Variants in GAS6 observed in about 807,000 individuals in gnomAD.
The protein encoded by GAS6 is growth arrest specific 6, also known as growth arrest-specific protein 6.
GAS6 carries 41 observed loss-of-function variants against 75.8 expected under a neutral mutation model. That is an observed-to-expected ratio of 0.54 (90% CI 0.42 to 0.70). The LOEUF is 0.70. Ranked by LOEUF, GAS6 falls within the 30% of genes least tolerant of loss-of-function variation. The pLI, the probability that GAS6 is intolerant of heterozygous loss-of-function variation, is 0.00. For missense variants in GAS6, 854 were observed against 940.2 expected, an observed-to-expected ratio of 0.91 and a Z score of 1.20; for synonymous variants, 432 against 412.6, an observed-to-expected ratio of 1.05 and a Z score of -0.57.
Position 113,823,468 on chromosome 13 carries a change from G to A in GAS6, c.1560C>T (p.Gly520=), listed in dbSNP as rs2051488262. 5 of 1,612,828 alleles carry A rather than the reference G, an allele frequency of 3.1e-6. No individual in the cohort carries two copies. The highest frequency in any genetic ancestry group is 3.4e-6 in the Non-Finnish European group (4 of 1,179,974). ...CGGGGGCCCAGAGCGCAAACAGCAC[G>A]CCTGTGTCTGCGGCTGGGCGGATGT... ...VAHIRPAADT[G]VLFALWAPDL... Residue 520 remains glycine (G), a synonymous_variant, in exon 13 of 15, where the codon GGC becomes GGT. Transcript: ENST00000327773.
intron 2 of GAS6, among the ~76,000 whole-genome samples, chr13:113,857,593 A>G (rs2051924429): frequency 1.3e-5 from 2 of 152,240 alleles, no homozygotes; most frequent in South Asian, 4.1e-4. Context: ...ATGCCTGTCA[A>G]TCGCTCTGGG....
chr13:113,834,796 C>T (rs1405428260), intron 7 of GAS6, 124 bp from the exon 8 acceptor site: 14 of 1,138,128 alleles, frequency 1.2e-5, no homozygotes, highest in Admixed American at 3.0e-5. Flanking sequence ...CAGATTCTAA[C>T]GGGGGCGGCT....
intron 2 of GAS6, among the ~76,000 whole-genome samples, chr13:113,853,895 C>T (rs1194710471): frequency 1.3e-5 from 2 of 152,304 alleles, no homozygotes; most frequent in Admixed American, 1.3e-4. Flanking sequence ...TCCTTCCTTC[C>T]GAATTCGTTT....
chr13:113,835,901 A>C, intron 6 of GAS6: 15 of 817,856 alleles, frequency 1.8e-5, no homozygotes, highest in East Asian at 8.2e-5. Flanking sequence ...TGCTTGGTGG[A>C]GGGGTGGGGG....
intron 2 of GAS6, among the ~76,000 whole-genome samples, chr13:113,851,460 TGA>T (rs763979715): frequency 1.3e-5 from 2 of 149,844 alleles, no homozygotes; most frequent in African/African-American, 4.9e-5. Flanking sequence ...AATGGGTGAA[TGA>T]GAGTGAGTAG....
intron 10 of GAS6, 101 bp from the exon 11 acceptor site, chr13:113,828,812 C>T: frequency 7.2e-7 from 1 of 1,384,460 alleles, no homozygotes. Flanking sequence ...CCAAGAGGGT[C>T]CCGACCTCGG....
chr13:113,834,033 TAGGTCATGCTGTGATAGGCCC>T (rs2051666480), intron 8 of GAS6, among the ~76,000 whole-genome samples: 1 of 129,720 alleles, frequency 7.7e-6, no homozygotes, highest in Non-Finnish European at 1.6e-5. Flanking sequence ...GTGTGACAGG[TAGGTCATGCTGTGATAGGCCC>T]CGGTGTGACA....
At chr13:113,835,957 G>C (rs909044337) in intron 6 of GAS6, 9 of 1,122,930 alleles carry the variant, frequency 8.0e-6, no homozygotes, top group Non-Finnish European at 9.8e-6. Context: ...CGGTGCTACA[G>C]GACACGGGGC....
chr13:113,847,939 C>T lies in GAS6; in HGVS notation c.280+87G>A, dbSNP rs938019555. 2.7e-5 allele frequency: 32 copies of T among 1,195,600 alleles called. No homozygotes were observed. In the Admixed American group the frequency reaches 3.2e-4, roughly 12 times the overall value. The allele number at this position is 1,195,600 out of a possible 1,614,324, so 74.1% of individuals were successfully genotyped here. A position where few individuals can be genotyped will look rare whatever the true frequency, so the allele number is the denominator to read the frequency against. ...TTAAGAATCTTCCTTCCAAGAGTTA[C>T]GTGGTGAGGAGATTCCTCCAACATG... On this transcript the variant is annotated intron_variant, in intron 3 of 14. Transcript: ENST00000327773.
At chr13:113,824,192 C>A (rs78832662) in intron 12 of GAS6, among the ~76,000 whole-genome samples, 2 of 70,238 alleles carry the variant, frequency 2.8e-5, no homozygotes, top group Admixed American at 1.6e-4. Flanking sequence ...TCAGGAGCAC[C>A]CGCGGTCTGG....
chr13:113,833,833 AGTGT>A (rs1394273327), intron 8 of GAS6: 1 of 998,506 alleles, frequency 1.0e-6, no homozygotes, highest in African/African-American at 2.3e-5. Context: ...GTGACAGGTC[AGTGT>A]GACAGGTACT....
chr13:113,827,720 C>T (rs536467312), intron 11 of GAS6, among the ~76,000 whole-genome samples: 9 of 152,264 alleles, frequency 5.9e-5, no homozygotes, highest in South Asian at 4.1e-4. Context: ...CCCAAAGACG[C>T]GAAGACATGC....
intron 11 of GAS6, among the ~76,000 whole-genome samples, chr13:113,828,310 T>C (rs543307408): frequency 5.3e-5 from 8 of 152,264 alleles, no homozygotes; most frequent in East Asian, 1.9e-4. Flanking sequence ...CATTGAAAAA[T>C]AGACAACTTT....
At chr13:113,832,164 G>A in intron 10 of GAS6, 135 bp downstream of exon 10, 1 of 1,023,262 alleles carries the variant, frequency 9.8e-7, no homozygotes, top group Non-Finnish European at 1.4e-6. Flanking sequence ...CGGGGCAGGG[G>A]TCCCCGTCCT....
chr13:113,859,196 GTC>G (rs1319163750), intron 2 of GAS6, among the ~76,000 whole-genome samples: 1 of 145,570 alleles, frequency 6.9e-6, no homozygotes, highest in South Asian at 2.4e-4. Context: ...GTGTGTGCAT[GTC>G]TGTGTGTGTG....
chr13:113,862,672 G>A (rs1029125121), intron 2 of GAS6, among the ~76,000 whole-genome samples: 1 of 152,192 alleles, frequency 6.6e-6, no homozygotes, highest in Non-Finnish European at 1.5e-5. Flanking sequence ...TCTAAGAGGG[G>A]TCAAGTCAAC....
intron 10 of GAS6, among the ~76,000 whole-genome samples, chr13:113,831,513 G>A (rs1174157562): frequency 1.3e-5 from 2 of 152,076 alleles, no homozygotes; most frequent in East Asian, 3.9e-4. Flanking sequence ...CCTGGCTTCT[G>A]TTCCCCACTC....
intron 13 of GAS6, 111 bp downstream of exon 13, chr13:113,823,263 TG>T: frequency 8.2e-7 from 1 of 1,214,306 alleles, no homozygotes. Flanking sequence ...TCAGAGGCTT[TG>T]GGGGTCCCTG....
chr13:113,861,013 A>G (rs1307132857), intron 2 of GAS6, among the ~76,000 whole-genome samples: 3 of 147,752 alleles, frequency 2.0e-5, no homozygotes, highest in African/African-American at 7.7e-5. Context: ...CACACAAGTG[A>G]GCCTGGAGCC....
Sources: gnomAD v4.1 joint callset for allele counts (sites outside exome capture counted in the v4.1 genomes callset) on GRCh38, gnomAD v4.1.1 for gene constraint, MANE v1.5 for transcripts, NCBI Gene and HGNC (gene_info 2026-07-23, HGNC 2026-07-21) for gene names.